Variants in SMARCC1 observed in about 807,000 individuals in gnomAD.
SMARCC1 encodes SWI/SNF complex subunit SMARCC1.
SMARCC1 carries 43 observed loss-of-function variants against 147.4 expected under a neutral mutation model. The ratio of observed to expected loss-of-function variants is 0.29; its 90% CI spans 0.23 to 0.38. The LOEUF (loss-of-function observed/expected upper bound fraction) is 0.38, where lower values mean the gene tolerates loss of function less well. SMARCC1 is among the 10% of genes least tolerant of loss of function. The pLI is 1.00. For synonymous variants in SMARCC1, 495 were observed against 484.4 expected (o/e 1.02, Z -0.29); for missense variants, 1,119 against 1,381.1 (o/e 0.81, Z 3.01).
chr3:47,729,195 A>G (rs1412319130), intron 5 of SMARCC1, 101 bp from the exon 6 acceptor site: 7 of 710,958 alleles, frequency 9.8e-6, no homozygotes, highest in Non-Finnish European at 1.6e-5. Flanking sequence ...GCATGGTTTT[A>G]CTTATAGACT....
chr3:47,694,725 A>G (rs2106779283), intron 11 of SMARCC1, among the ~76,000 whole-genome samples: 1 of 152,322 alleles, frequency 6.6e-6, no homozygotes, highest in South Asian at 2.1e-4. Flanking sequence ...TCTACCTTTT[A>G]GGTTTTGAAA....
At chr3:47,671,188 A>AAAAAAAAAAAC (rs1559640679) in intron 18 of SMARCC1, among the ~76,000 whole-genome samples, 3 of 146,602 alleles carry the variant, frequency 2.0e-5, no homozygotes, top group Non-Finnish European at 4.5e-5. Flanking sequence ...AAAAAAAAAA[A>AAAAAAAAAAAC]AAAAAAAAAA....
At chr3:47,716,385 T>C (rs552348920) in intron 7 of SMARCC1, among the ~76,000 whole-genome samples, 196 of 120,490 alleles carry the variant, frequency 1.6e-3, no homozygotes, top group African/African-American at 6.1e-3. Flanking sequence ...ACCACTGCAC[T>C]CCAGCCTGGG....
At chr3:47,766,957 T>C (rs9757517) in intron 2 of SMARCC1, among the ~76,000 whole-genome samples, 7 of 151,680 alleles carry the variant, frequency 4.6e-5, no homozygotes, top group Non-Finnish European at 7.4e-5. Flanking sequence ...AGCCGAGGCA[T>C]GCGGATCACG....
intron 2 of SMARCC1, among the ~76,000 whole-genome samples, chr3:47,754,562 T>C (rs923518880): frequency 1.3e-5 from 2 of 152,156 alleles, no homozygotes; most frequent in East Asian, 1.9e-4. Flanking sequence ...TCCAGCAATA[T>C]TGTATACTAA....
intron 19 of SMARCC1, among the ~76,000 whole-genome samples, chr3:47,667,584 A>C (rs990356053): frequency 6.6e-6 from 1 of 152,106 alleles, no homozygotes; most frequent in Non-Finnish European, 1.5e-5. Flanking sequence ...GTGGACTTAA[A>C]AGAAATTGTG....
At chr3:47,696,577 G>A (rs1338718177) in intron 11 of SMARCC1, among the ~76,000 whole-genome samples, 11 of 150,538 alleles carry the variant, frequency 7.3e-5, no homozygotes, top group South Asian at 2.1e-4. Flanking sequence ...GGAATGCAAC[G>A]GTGCAATCTC....
chr3:47,672,158 A>G lies in SMARCC1; in HGVS notation c.1840-1441T>C, dbSNP rs1182053091. Reference sequence around the variant, plus strand: ...ACTCCTACAGTATGGCTTTGTGAGAAAGAAAAGATGCCTGTATCTATAACG... The same window carrying G: ...ACTCCTACAGTATGGCTTTGTGAGAGAGAAAAGATGCCTGTATCTATAACG... On this transcript the variant is annotated intron_variant, in intron 18 of 27. Transcript: ENST00000254480. Among the ~76,000 whole-genome samples the G allele has an allele frequency of 2.6e-5, 4 of 152,312 alleles. No homozygotes were observed. The East Asian group carries it at 7.7e-4, about 29-fold the overall frequency.
In SMARCC1 at chr3:47,591,175, T is replaced by C. The variant is rs573158233; in HGVS notation, c.3044-338A>G. ...ATTGTCAAATGTCTTCCTGAGGATA[T>C]ACAATGCCAAGCACAGCCCACAGGG... On this transcript the variant is annotated intron_variant, in intron 26 of 27. Coordinates refer to ENST00000254480, the MANE Select transcript of SMARCC1 (RefSeq NM_003074.4). Among the ~76,000 whole-genome samples the C allele has an allele frequency of 2.6e-5, 4 of 152,210 alleles. No individual in the cohort carries two copies. In the South Asian group the frequency reaches 6.2e-4, roughly 24 times the overall value.
intron 2 of SMARCC1, among the ~76,000 whole-genome samples, chr3:47,756,596 C>T (rs1326457333): frequency 6.8e-6 from 1 of 146,500 alleles, no homozygotes; most frequent in Non-Finnish European, 1.5e-5. Flanking sequence ...ATTAACAACA[C>T]AGAAAAATTT....
intron 26 of SMARCC1, among the ~76,000 whole-genome samples, chr3:47,596,851 A>G (rs1385705897): frequency 6.6e-6 from 1 of 151,876 alleles, no homozygotes; most frequent in Non-Finnish European, 1.5e-5. Flanking sequence ...GGAGATGGAG[A>G]TGGCACTCTG....
At chr3:47,611,322 A>C (rs1486641596) in intron 25 of SMARCC1, among the ~76,000 whole-genome samples, 1 of 152,216 alleles carries the variant, frequency 6.6e-6, no homozygotes, top group Non-Finnish European at 1.5e-5. Flanking sequence ...CAGCAGTTAG[A>C]AGCCACACAC....
chr3:47,702,857 C>A (rs977434731), intron 10 of SMARCC1, among the ~76,000 whole-genome samples: 1 of 152,074 alleles, frequency 6.6e-6, no homozygotes, highest in Non-Finnish European at 1.5e-5. Context: ...CTTGGCCTCC[C>A]AAAGTGCTGG....
At chr3:47,594,617 G>C (rs963677823) in intron 26 of SMARCC1, among the ~76,000 whole-genome samples, 1 of 152,102 alleles carries the variant, frequency 6.6e-6, no homozygotes, top group Admixed American at 6.6e-5. Context: ...AAAAACTATG[G>C]AAGGAGCAAG....
At position 47,713,564 on chromosome 3, in the gene SMARCC1, G is replaced by A. The variant is rs531901575; in HGVS notation, c.792+851C>T. ...CCTCAGCCTTCCAAGTATGTAGCTA[G>A]GACTATAGGGCACTTGACATTATGC... On this transcript the variant is annotated intron_variant, in intron 8 of 27. Transcript: ENST00000254480. Among the ~76,000 whole-genome samples, 10 of 151,782 alleles carry A rather than the reference G, an allele frequency of 6.6e-5. No individual in the cohort carries two copies. In the South Asian group the frequency reaches 1.9e-3, roughly 29 times the overall value.
At chr3:47,700,303 CAACT>C (rs1032388309) in intron 11 of SMARCC1, among the ~76,000 whole-genome samples, 2 of 151,814 alleles carry the variant, frequency 1.3e-5, no homozygotes, top group Non-Finnish European at 2.9e-5. Flanking sequence ...TGTAATTCAC[CAACT>C]GATATATATA....
chr3:47,703,921 T>TGAGTAGCTGGGACTACAGGCGCCA (rs2033958305), intron 10 of SMARCC1, among the ~76,000 whole-genome samples: 1 of 152,106 alleles, frequency 6.6e-6, no homozygotes, highest in Non-Finnish European at 1.5e-5. Flanking sequence ...CTCAGCCTCT[T>TGAGTAGCTGGGACTACAGGCGCCA]GAGTAGCTGG....
At position 47,726,929 on chromosome 3, in the gene SMARCC1, A is replaced by G. The variant is rs984497542; in HGVS notation, c.646+2096T>C. On this transcript the variant is annotated intron_variant, in intron 6 of 27. Coordinates refer to ENST00000254480, the MANE Select transcript of SMARCC1 (RefSeq NM_003074.4). ...GCTGAATAATATTCCACTGTGTGGGACCAGGAGTGGTGACTCACGCCTCTA... is the reference window on the plus strand; with the variant it reads ...GCTGAATAATATTCCACTGTGTGGGGCCAGGAGTGGTGACTCACGCCTCTA... 6.6e-5 allele frequency among the ~76,000 whole-genome samples: 10 copies of G among 151,888 alleles called. No individual in the cohort carries two copies. The East Asian group carries it at 1.7e-3, about 26-fold the overall frequency.
chr3:47,708,524 G>A (rs1247851069), intron 9 of SMARCC1, among the ~76,000 whole-genome samples: 1 of 152,090 alleles, frequency 6.6e-6, no homozygotes, highest in Non-Finnish European at 1.5e-5. Context: ...GAACAGAAAT[G>A]GGTATGAACT....
Sources: allele counts gnomAD v4.1 joint callset (sites outside exome capture counted in the v4.1 genomes callset), GRCh38; gene constraint gnomAD v4.1.1; transcripts MANE v1.5; gene names NCBI Gene and HGNC (gene_info 2026-07-23, HGNC 2026-07-21).